The following DOCK8 variants were observed in gnomAD, a reference collection of about 807,000 sequenced individuals.
DOCK8 encodes dedicator of cytokinesis 8.
Under a neutral mutation model 245.6 loss-of-function variants are expected in DOCK8, and 141 were observed. That is an observed-to-expected ratio of 0.57 (90% CI 0.50 to 0.66). The LOEUF (loss-of-function observed/expected upper bound fraction) is 0.66, where lower values mean the gene tolerates loss of function less well. DOCK8 is among the 30% of genes least tolerant of loss of function. The pLI, the probability that DOCK8 is intolerant of heterozygous loss-of-function variation, is 0.00. For missense variants in DOCK8, 2,965 were observed against 2,603.4 expected, an observed-to-expected ratio of 1.14 and a Z score of -3.02; for synonymous variants, 1,168 against 970.2, an observed-to-expected ratio of 1.20 and a Z score of -3.79.
intron 32 of DOCK8, among the ~76,000 whole-genome samples, chr9:421,443 G>T (rs891758887): frequency 1.3e-5 from 2 of 152,182 alleles, no homozygotes; most frequent in Non-Finnish European, 1.5e-5. Flanking sequence ...GCATGGTCAA[G>T]AAACTGAACA....
At chr9:215,073 A>T in intron 1 of DOCK8, 44 bp downstream of exon 1, 4 of 1,542,060 alleles carry the variant, frequency 2.6e-6, no homozygotes, top group South Asian at 2.4e-5. Context: ...CGGACAGCCC[A>T]GCGCTGGTGT....
chr9:263,651 TTCTC>T (rs1347363344), intron 1 of DOCK8, among the ~76,000 whole-genome samples: 2 of 152,218 alleles, frequency 1.3e-5, no homozygotes, highest in African/African-American at 4.8e-5. Flanking sequence ...TGGTGATAAA[TTCTC>T]TCCATTTTTG....
At chr9:439,520 G>C in intron 40 of DOCK8, 132 bp downstream of exon 40, 1 of 1,229,400 alleles carries the variant, frequency 8.1e-7, no homozygotes, top group Non-Finnish European at 1.1e-6. Context: ...GTGCGGGGCA[G>C]GGGATGGGCC....
chr9:293,602 T>G (rs1194088140), intron 4 of DOCK8, among the ~76,000 whole-genome samples: 1 of 152,234 alleles, frequency 6.6e-6, no homozygotes, highest in Non-Finnish European at 1.5e-5. Context: ...GTGCAACACC[T>G]TCTTATCTTT....
At position 390,561 on chromosome 9, in the gene DOCK8, C is replaced by T. The variant is rs2054147339; in HGVS notation, c.2965C>T (p.Leu989Phe). ...VFKYAWFFFE[L>F]LVKSMAQHVH... ...CAAGTATGCCTGGTTCTTCTTTGAG[C>T]TTCTGGTGAGATTCTTGCGCGTTTG... The change falls in exon 24 of 48, where the codon CTT becomes TTT. Residue 989 changes from leucine to phenylalanine, a missense_variant. By Grantham distance (22) the Leu-to-Phe change is conservative. Around this residue, in one of 3 missense-constraint regions of DOCK8, gnomAD observed 2,825 missense variants for 2,453.5 expected, o/e 1.15. Coordinates refer to ENST00000432829, the MANE Select transcript of DOCK8 (RefSeq NM_203447.4). 1.2e-6 allele frequency: 2 copies of T among 1,613,862 alleles called. No homozygotes were observed. Among genetic ancestry groups the T allele is most frequent in the South Asian group, 1.1e-5 (1 of 91,086 alleles).
intron 5 of DOCK8, among the ~76,000 whole-genome samples, chr9:310,540 C>T (rs924682367): frequency 8.5e-5 from 13 of 152,150 alleles, no homozygotes; most frequent in Non-Finnish European, 1.3e-4. Flanking sequence ...GTCATTACAA[C>T]CTCCACCTCC....
intron 35 of DOCK8, 51 bp downstream of exon 35, chr9:428,547 A>T (rs1299619033): frequency 5.6e-6 from 9 of 1,606,552 alleles, no homozygotes; most frequent in South Asian, 1.1e-5. Flanking sequence ...TAAGATTCTC[A>T]TCTAGCTTCA....
At chr9:274,676 C>T (rs2130007741) in intron 2 of DOCK8, among the ~76,000 whole-genome samples, 1 of 150,844 alleles carries the variant, frequency 6.6e-6, no homozygotes, top group East Asian at 2.0e-4. Context: ...AAAAAAATTT[C>T]TTTTCATGGA....
At chr9:269,980 A>G (rs544793946) in intron 1 of DOCK8, among the ~76,000 whole-genome samples, 2 of 152,288 alleles carry the variant, frequency 1.3e-5, no homozygotes, top group East Asian at 1.9e-4. Flanking sequence ...GCACCATTTT[A>G]TACTCCTACC....
At chr9:397,080 G>A in intron 25 of DOCK8, 146 bp downstream of exon 25, 1 of 1,014,924 alleles carries the variant, frequency 9.9e-7, no homozygotes, top group Non-Finnish European at 1.4e-6. Context: ...ATACTGGACT[G>A]GACCCTGATG....
chr9:396,282 T>C (rs1169837279), intron 24 of DOCK8, among the ~76,000 whole-genome samples: 3 of 152,200 alleles, frequency 2.0e-5, no homozygotes, highest in African/African-American at 7.2e-5. Context: ...CTGGAAAAAC[T>C]GTGCTCCCTC....
Position 368,197 on chromosome 9 carries a change from C to T in DOCK8, c.1797+62C>T, listed in dbSNP as rs747412831. ...TGGGCTGCTCACCCCTGTCACTTCA[C>T]ACAAGTCCGGGACTCATCAGTGTAC... On this transcript the variant is annotated intron_variant, in intron 15 of 47. Coordinates refer to ENST00000432829, the MANE Select transcript of DOCK8 (RefSeq NM_203447.4). 1.4e-5 allele frequency: 19 copies of T among 1,360,874 alleles called. No individual in the cohort carries two copies. In the East Asian group the frequency reaches 4.3e-4, roughly 31 times the overall value. 84.3% of individuals were successfully genotyped at this position (1,360,874 alleles called of 1,614,324 possible). A position where few individuals can be genotyped will look rare whatever the true frequency, so the allele number is the denominator to read the frequency against.
chr9:216,080 A>G (rs1563813316), intron 1 of DOCK8, among the ~76,000 whole-genome samples: 1 of 152,222 alleles, frequency 6.6e-6, no homozygotes. Flanking sequence ...GGTCTTCTAG[A>G]GGGCATATCG....
intron 4 of DOCK8, among the ~76,000 whole-genome samples, chr9:291,328 A>G (rs1241853992): frequency 6.6e-6 from 1 of 152,166 alleles, no homozygotes; most frequent in African/African-American, 2.4e-5. Flanking sequence ...TACTCGTTGA[A>G]ATTTTAGAAA....
chr9:238,867 C>T (rs1056160033), intron 1 of DOCK8, among the ~76,000 whole-genome samples: 1 of 152,108 alleles, frequency 6.6e-6, no homozygotes, highest in Non-Finnish European at 1.5e-5. Context: ...TCGTGGATGG[C>T]CAGAGTCTAT....
rs199920672 is a variant in DOCK8, at chr9:420,968, A to G, written c.4043A>G (p.Lys1348Arg). 8 of 1,614,206 alleles carry G rather than the reference A, an allele frequency of 5.0e-6. No homozygotes were observed. The East Asian group carries it at 1.6e-4, about 31-fold the overall frequency. ...FEYKGKQSSD[K>R]VSTQVLQKSR... ...GTCCAGGGAAAACAGAGTTCTGACA[A>G]AGTCAGTACCCAAGTCCTGCAGAAG... is the stretch of plus-strand genomic sequence containing the variant. Residue 1348 changes from lysine (K) to arginine (R), a missense_variant, in exon 32 of 48, where the codon AAA becomes AGA. Coordinates refer to ENST00000432829, the MANE Select transcript of DOCK8 (RefSeq NM_203447.4).
chr9:372,333 T>C (rs753301410), intron 18 of DOCK8, 47 bp downstream of exon 18: 2 of 1,449,140 alleles, frequency 1.4e-6, no homozygotes, highest in Non-Finnish European at 1.9e-6. Context: ...AGCTGTAGTC[T>C]TGGACCACCT....
chr9:413,153 A>G (rs1222919515), intron 28 of DOCK8, among the ~76,000 whole-genome samples: 4 of 152,316 alleles, frequency 2.6e-5, no homozygotes, highest in South Asian at 4.1e-4. Flanking sequence ...AAACAATTCA[A>G]TGGGGGAAAA....
At chr9:287,835 TG>T (rs1417370873) in intron 3 of DOCK8, among the ~76,000 whole-genome samples, 1 of 152,180 alleles carries the variant, frequency 6.6e-6, no homozygotes, top group Non-Finnish European at 1.5e-5. Flanking sequence ...GTAAAATTTA[TG>T]GATGTTTCCA....
Sources: gnomAD v4.1 joint callset for allele counts (sites outside exome capture counted in the v4.1 genomes callset) on GRCh38, gnomAD v4.1.1 for gene constraint, gnomAD v4.1.1 regional missense constraint, MANE v1.5 for transcripts, NCBI Gene and HGNC (gene_info 2026-07-23, HGNC 2026-07-21) for gene names.